The following MAP2K2 variants were observed in gnomAD, a reference collection of about 807,000 sequenced individuals.
The protein encoded by MAP2K2 is dual specificity mitogen-activated protein kinase kinase 2.
In MAP2K2, 24 loss-of-function variants were observed where a neutral mutation model predicts 43.7. The observed-to-expected ratio is 0.55, with a 90% CI of 0.40 to 0.77. The LOEUF is 0.77. MAP2K2 is among the 30% of genes least tolerant of loss of function. MAP2K2 has a pLI of 0.00. For missense variants in MAP2K2, 470 were observed against 566.8 expected (o/e 0.83, Z 1.73); for synonymous variants, 244 against 239.7 (o/e 1.02, Z -0.17).
In MAP2K2 at chr19:4,101,357, T is replaced by C. The variant is rs2041008458; in HGVS notation, c.529-77A>G. 2 of 1,486,964 alleles carry C rather than the reference T, an allele frequency of 1.3e-6. No homozygotes were observed. Among genetic ancestry groups the C allele is most frequent in the South Asian group, 2.4e-5 (2 of 82,796 alleles). The allele number at this position is 1,486,964 out of a possible 1,614,324, so 92.1% of individuals were successfully genotyped here. On this transcript the variant is annotated intron_variant, in intron 4 of 10. Transcript: ENST00000262948. The surrounding 1 kb of genome is among the most constrained non-coding windows in gnomAD (Gnocchi z 6.3). ...CCTGACCGAGCCCGGGGGTCAGAGC[T>C]GAGCAGTCAGAGCTGGAGCGAGGGA... is the stretch of plus-strand genomic sequence containing the variant.
chr19:4,097,134 CAGTGAGCCGAGAAGGCACCACTGT>C, intron 8 of MAP2K2, 121 bp downstream of exon 8: 3 of 632,482 alleles, frequency 4.7e-6, no homozygotes, highest in Non-Finnish European at 5.3e-6. Flanking sequence ...GTGGAGGTTT[CAGTGAGCCGAGAAGGCACCACTGT>C]ACTCCAGCCT....
At chr19:4,112,454 G>A (rs1027627499) in intron 2 of MAP2K2, among the ~76,000 whole-genome samples, 1 of 152,244 alleles carries the variant, frequency 6.6e-6, no homozygotes, top group Non-Finnish European at 1.5e-5. Flanking sequence ...CGGGCACGGA[G>A]GCATGAAGGA....
chr19:4,098,668 G>A (rs1260809119), intron 7 of MAP2K2, among the ~76,000 whole-genome samples: 2 of 152,126 alleles, frequency 1.3e-5, no homozygotes, highest in Non-Finnish European at 2.9e-5. Flanking sequence ...TGTCCTCTGC[G>A]AGCCCAGCTG....
At chr19:4,114,526 C>T (rs868428990) in intron 2 of MAP2K2, among the ~76,000 whole-genome samples, 4 of 152,352 alleles carry the variant, frequency 2.6e-5, no homozygotes, top group Non-Finnish European at 5.9e-5. Flanking sequence ...AAGCCCCACA[C>T]GCGTAACAAG....
At position 4,108,574 on chromosome 19, in the gene MAP2K2, G is replaced by A. The variant is rs370136040; in HGVS notation, c.450+1935C>T. On this transcript the variant is annotated intron_variant, in intron 3 of 10. Coordinates refer to ENST00000262948, the MANE Select transcript of MAP2K2 (RefSeq NM_030662.4). ...GACCACCTCGGAACTTTTAAAGGGTGCACTCCATAACACAGACAGCACGGC... is the reference window on the plus strand; with the variant it reads ...GACCACCTCGGAACTTTTAAAGGGTACACTCCATAACACAGACAGCACGGC... Among the ~76,000 whole-genome samples, 59 of 152,130 alleles carry A rather than the reference G, an allele frequency of 3.9e-4. 1 individual carries two copies. Among genetic ancestry groups the A allele is most frequent in the East Asian group, 3.5e-3 (18 of 5,178 alleles).
chr19:4,099,533 A>C, intron 6 of MAP2K2, 119 bp from the exon 7 acceptor site: 1 of 806,944 alleles, frequency 1.2e-6, no homozygotes, highest in Non-Finnish European at 2.0e-6. Flanking sequence ...GCAGCAATGG[A>C]TAGAGAGCTG....
intron 10 of MAP2K2, among the ~76,000 whole-genome samples, chr19:4,091,052 G>A (rs529028517): frequency 2.6e-5 from 4 of 152,184 alleles, no homozygotes; most frequent in Admixed American, 1.3e-4. Flanking sequence ...ATTCTCTGGC[G>A]TGGGGCCATC....
chr19:4,095,756 C>T (rs1298144666), intron 8 of MAP2K2, among the ~76,000 whole-genome samples: 1 of 152,144 alleles, frequency 6.6e-6, no homozygotes, highest in Non-Finnish European at 1.5e-5. Flanking sequence ...GGGACTGGGC[C>T]CCACAGAGGG....
intron 1 of MAP2K2, 145 bp from the exon 2 acceptor site, chr19:4,117,774 C>T: frequency 1.3e-6 from 1 of 778,500 alleles, no homozygotes; most frequent in East Asian, 2.6e-5. Context: ...AGGAAAGGAT[C>T]CATGCTGTGT....
chr19:4,110,428 G>A (rs2041138810), intron 3 of MAP2K2, 81 bp downstream of exon 3: 5 of 1,561,986 alleles, frequency 3.2e-6, no homozygotes, highest in Non-Finnish European at 4.4e-6. Flanking sequence ...GAGGAAAGGG[G>A]CCGTGAGGGG....
chr19:4,103,343 A>C, intron 3 of MAP2K2: 1 of 848,406 alleles, frequency 1.2e-6, no homozygotes, highest in Non-Finnish European at 1.4e-6. Context: ...CAAAACCCCC[A>C]AATGCCAAAA....
chr19:4,104,196 C>T (rs561132968), intron 3 of MAP2K2, among the ~76,000 whole-genome samples: 54 of 142,992 alleles, frequency 3.8e-4, no homozygotes, highest in African/African-American at 1.3e-3. Flanking sequence ...ACCTGGGAGG[C>T]AGAGGTTGCT....
chr19:4,090,498 A>C lies in MAP2K2; in HGVS notation c.*100T>G, dbSNP rs889917299. The C allele has an allele frequency of 2.0e-6, 2 of 996,966 alleles. No individual in the cohort carries two copies. The highest frequency in any genetic ancestry group is 3.2e-5 in the African/African-American group (2 of 62,452). 61.8% of individuals were successfully genotyped at this position (996,966 alleles called of 1,614,324 possible). A position where few individuals can be genotyped will look rare whatever the true frequency, so the allele number is the denominator to read the frequency against. On this transcript the variant is annotated 3_prime_UTR_variant, in exon 11 of 11. Transcript: ENST00000262948. ...GTGCTCTCCGCAGGGGTGAGGCAGG[A>C]GGGTGGGTGGAGGCGCCAGCCTGTC...
At chr19:4,095,038 T>C in intron 9 of MAP2K2, 1 of 370,348 alleles carries the variant, frequency 2.7e-6, no homozygotes, top group Non-Finnish European at 5.1e-6. Flanking sequence ...CTGGCGACCC[T>C]CCCAGAACCT....
Position 4,094,633 on chromosome 19 carries a change from C to CA in MAP2K2, c.1047-136dup, listed in dbSNP as rs1172098895. On this transcript the variant is annotated intron_variant, in intron 9 of 10. Transcript: ENST00000262948. ...ATCTCTCCGACCAGAGAGAGTGGCA[C>CA]AGAGTGGCTGCTCTGTTCTGCCTCC... The CA allele has an allele frequency of 3.6e-6, 3 of 822,014 alleles. No homozygotes were observed. The African/African-American group carries it at 5.1e-5, about 14-fold the overall frequency. The allele number at this position is 822,014 out of a possible 1,614,324, so 50.9% of individuals were successfully genotyped here.
chr19:4,093,383 C>G (rs1449697649), intron 10 of MAP2K2, among the ~76,000 whole-genome samples: 1 of 151,936 alleles, frequency 6.6e-6, no homozygotes, highest in Non-Finnish European at 1.5e-5. Flanking sequence ...GGGGACAGAG[C>G]AAGGCTGTAT....
rs570078481 is a variant in MAP2K2, at chr19:4,102,799, G to A, written c.451-346C>T. The A allele has an allele frequency of 2.3e-4, 287 of 1,240,358 alleles. 4 individuals carry two copies. The highest frequency in any genetic ancestry group is 2.1e-3 in the Middle Eastern group (6 of 2,898). 76.8% of individuals were successfully genotyped at this position (1,240,358 alleles called of 1,614,324 possible). On this transcript the variant is annotated intron_variant, in intron 3 of 10. Transcript: ENST00000262948. Reference sequence around the variant, plus strand: ...GGGGGCTCAGGCAGCTGTGGGGCCCGCACTCCCTGCAGCCTACGTGGTGGG... The same window carrying A: ...GGGGGCTCAGGCAGCTGTGGGGCCCACACTCCCTGCAGCCTACGTGGTGGG...
In MAP2K2 at chr19:4,103,307, G is replaced by C. The variant is rs1459450896; in HGVS notation, c.451-854C>G. 3.1e-6 allele frequency: 3 copies of C among 971,020 alleles called. No homozygotes were observed. The South Asian group carries it at 1.4e-4, about 46-fold the overall frequency. The allele number at this position is 971,020 out of a possible 1,614,324, so 60.2% of individuals were successfully genotyped here. A position where few individuals can be genotyped will look rare whatever the true frequency, so the allele number is the denominator to read the frequency against. Reference sequence around the variant, plus strand: ...AACAGAAATTCCATGTCTTGCCCAAGGCTGCCTGGCAACAAACCTGGGGAC... The same window carrying C: ...AACAGAAATTCCATGTCTTGCCCAACGCTGCCTGGCAACAAACCTGGGGAC... On this transcript the variant is annotated intron_variant, in intron 3 of 10. Coordinates refer to ENST00000262948, the MANE Select transcript of MAP2K2 (RefSeq NM_030662.4).
chr19:4,094,414 T>C lies in MAP2K2; in HGVS notation c.1092+39A>G, dbSNP rs974386323. On this transcript the variant is annotated intron_variant, in intron 10 of 10. Coordinates refer to ENST00000262948, the MANE Select transcript of MAP2K2 (RefSeq NM_030662.4). The stretch of plus-strand genomic sequence containing the variant: ...ATTTCCTGGGGCCTGGGTGGCAGCC[T>C]GCACCCTCCCGGTCCCAGAACCCGC... The C allele has an allele frequency of 7.7e-6, 12 of 1,549,348 alleles. 1 individual carries two copies. The Admixed American group carries it at 2.4e-4, about 30-fold the overall frequency.
Sources: gnomAD v4.1 joint callset for allele counts (sites outside exome capture counted in the v4.1 genomes callset) on GRCh38, gnomAD v4.1.1 for gene constraint, Gnocchi (gnomAD v3.1) non-coding constraint, MANE v1.5 for transcripts, NCBI Gene and HGNC (gene_info 2026-07-23, HGNC 2026-07-21) for gene names.